POLR3K: variants seen among roughly 807,000 people sequenced by gnomAD.
POLR3K encodes the protein RNA polymerase III subunit K.
Under a neutral mutation model 13.5 loss-of-function variants are expected in POLR3K, and 11 were observed. That is an observed-to-expected ratio of 0.81 (90% confidence interval 0.51 to 1.35). POLR3K has a LOEUF of 1.35. Among genes scored for constraint, POLR3K ranks in the 40% most tolerant of loss-of-function variants. The pLI, the probability that POLR3K is intolerant of heterozygous loss-of-function variation, is 0.00. For missense variants in POLR3K, 144 were observed against 145.3 expected, an observed-to-expected ratio of 0.99 and a Z score of 0.05; for synonymous variants, 56 against 51.5, an observed-to-expected ratio of 1.09 and a Z score of -0.38.
chr16:52,498 G>A (rs1249151351), intron 1 of POLR3K, among the ~76,000 whole-genome samples: 2 of 133,328 alleles, frequency 1.5e-5, no homozygotes, highest in Non-Finnish European at 1.6e-5. Flanking sequence ...GGTCGGGCGC[G>A]GTGGCTCACG....
At chr16:53,197 G>A (rs572222600) in intron 1 of POLR3K, 31 of 479,372 alleles carry the variant, frequency 6.5e-5, no homozygotes, top group African/African-American at 5.6e-4. Flanking sequence ...CGCACAGCAC[G>A]GACCTGCGTG....
At position 53,497 on chromosome 16, in the gene POLR3K, G is replaced by C. The variant is rs1376571626; in HGVS notation, c.90C>G (p.Tyr30Ter). ...CHRFACNTCPYVHNITRKVTN... is the reference protein window; with the variant it reads ...CHRFACNTCP ...CCACCTTGCGGGTGATGTTGTGCACGTAGGGGCACGTGTTGCAGGCGAAGC... is the reference window on the plus strand; with the variant it reads ...CCACCTTGCGGGTGATGTTGTGCACCTAGGGGCACGTGTTGCAGGCGAAGC... Residue 30 changes from tyrosine (Y) to a stop codon, truncating the protein, a stop_gained, in exon 1 of 3, where the codon TAC becomes TAG. Transcript: ENST00000293860. LOFTEE classifies it high-confidence loss of function. 1 of 1,612,586 alleles carries C rather than the reference G, an allele frequency of 6.2e-7. No homozygotes were observed. Among genetic ancestry groups the C allele is most frequent in the Non-Finnish European group, 8.5e-7 (1 of 1,179,480 alleles).
chr16:47,265 G>T lies in POLR3K; in HGVS notation c.*165C>A. The T allele has an allele frequency of 1.2e-6, 1 of 816,932 alleles. No individual in the cohort carries two copies. Among genetic ancestry groups the T allele is most frequent in the Non-Finnish European group, 1.8e-6 (1 of 564,988 alleles). 50.6% of individuals were successfully genotyped at this position (816,932 alleles called of 1,614,324 possible). ...ATTCATGACTTCATCCACCCTGCCT[G>T]GCAGATAGGCCATATTTCCTGACCC... On this transcript the variant is annotated 3_prime_UTR_variant, in exon 3 of 3. Coordinates refer to ENST00000293860, the MANE Select transcript of POLR3K (RefSeq NM_016310.5).
chr16:48,423 T>C lies in POLR3K; in HGVS notation c.200-866A>G, dbSNP rs114683948. Among the ~76,000 whole-genome samples, 556 of 152,322 alleles carry C rather than the reference T, an allele frequency of 3.7e-3. 5 individuals are homozygous for C. Among genetic ancestry groups the C allele is most frequent in the African/African-American group, 0.013 (521 of 41,540 alleles). ...TGGAAGGTGACTGTTTTGGTCCATTTTGTGCTGCTGTAACAAAATGCCTAA... is the reference window on the plus strand; with the variant it reads ...TGGAAGGTGACTGTTTTGGTCCATTCTGTGCTGCTGTAACAAAATGCCTAA... On this transcript the variant is annotated intron_variant, in intron 2 of 2. Coordinates refer to ENST00000293860, the MANE Select transcript of POLR3K (RefSeq NM_016310.5).
intron 1 of POLR3K, chr16:52,253 C>G (rs903463435): frequency 2.7e-5 from 4 of 149,070 alleles, no homozygotes; most frequent in African/African-American, 9.9e-5. Context: ...TCGAGACCAG[C>G]CTGGCCAGCG....
intron 2 of POLR3K, among the ~76,000 whole-genome samples, chr16:49,951 A>T (rs1258848646): frequency 6.6e-6 from 1 of 151,496 alleles, no homozygotes; most frequent in Non-Finnish European, 1.5e-5. Flanking sequence ...ACTTTTTCAC[A>T]TAGCAGATTT....
intron 1 of POLR3K, among the ~76,000 whole-genome samples, chr16:52,795 A>AAAAAAAAAAAAAAAAAC (rs1301989386): frequency 3.7e-5 from 1 of 26,786 alleles, no homozygotes; most frequent in African/African-American, 1.3e-4. Flanking sequence ...AAAAAAAAAA[A>AAAAAAAAAAAAAAAAAC]CAATAAAAAA....
chr16:53,583 G>T lies in POLR3K; in HGVS notation c.4C>A (p.Leu2Met). 1 of 1,611,474 alleles carries T rather than the reference G, an allele frequency of 6.2e-7. No individual in the cohort carries two copies. Among genetic ancestry groups the T allele is most frequent in the Non-Finnish European group, 8.5e-7 (1 of 1,178,950 alleles). The stretch of plus-strand genomic sequence containing the variant: ...TTCCCGCAGCCGGGGCAGAACAGCA[G>T]CATGGTCTCGAACTCCGCAGGCTCC... M[L>M]LFCPGCGNGL... is the part of the protein sequence containing the mutation. The change falls in exon 1 of 3, where the codon CTG (leucine) becomes ATG (methionine). Residue 2 changes from leucine to methionine, a missense_variant. Leu to Met is a conservative substitution (Grantham distance 15). Coordinates refer to ENST00000293860, the MANE Select transcript of POLR3K (RefSeq NM_016310.5).
intron 1 of POLR3K, chr16:53,158 G>A (rs930838509): frequency 1.3e-5 from 4 of 311,270 alleles, no homozygotes; most frequent in South Asian, 8.7e-5. Context: ...TTTCGTCTGC[G>A]TGAGCTGGAG....
chr16:52,757 C>A (rs1163372072), intron 1 of POLR3K, among the ~76,000 whole-genome samples: 1 of 89,732 alleles, frequency 1.1e-5, no homozygotes, highest in East Asian at 2.5e-4. Context: ...CAGAGCGGGA[C>A]TCCGTCTCAA....
chr16:53,410 A>G, intron 1 of POLR3K, 66 bp downstream of exon 1: 10 of 1,529,346 alleles, frequency 6.5e-6, no homozygotes, highest in Non-Finnish European at 8.8e-6. Flanking sequence ...GCGATGGAGC[A>G]GCAGTCGGAG....
Position 53,538 on chromosome 16 carries a change from C to T in POLR3K, c.49G>A (p.Gly17Arg), listed in dbSNP as rs755310696. The part of the protein sequence containing the change: ...GCGNGLIVEE[G>R]QRCHRFACNT... ...CAGGCGAAGCGGTGGCAGCGTTGTCCCTCCTCCACGATCAGCCCGTTCCCG... is the reference window on the plus strand; with the variant it reads ...CAGGCGAAGCGGTGGCAGCGTTGTCTCTCCTCCACGATCAGCCCGTTCCCG... Residue 17 changes from glycine (G) to arginine (R), a missense_variant, in exon 1 of 3, where the codon GGA becomes AGA. Physicochemically the swap from Gly to Arg is moderately radical, Grantham distance 125 (BLOSUM62 -2). Coordinates refer to ENST00000293860, the MANE Select transcript of POLR3K (RefSeq NM_016310.5). 6.2e-7 allele frequency: 1 copy of T among 1,613,226 alleles called. No individual in the cohort carries two copies. The highest frequency in any genetic ancestry group is 1.7e-5 in the Admixed American group (1 of 59,982).
Position 47,386 on chromosome 16 carries a change from G to A in POLR3K, c.*44C>T, listed in dbSNP as rs1283728806. Reference sequence around the variant, plus strand: ...ACTGCCAGCTAAGCATCTACCCCGAGGGACAAGGCAAGCACACACTAGGGC... The same window carrying A: ...ACTGCCAGCTAAGCATCTACCCCGAAGGACAAGGCAAGCACACACTAGGGC... On this transcript the variant is annotated 3_prime_UTR_variant, in exon 3 of 3. Coordinates refer to ENST00000293860, the MANE Select transcript of POLR3K (RefSeq NM_016310.5). The A allele has an allele frequency of 1.3e-6, 2 of 1,595,952 alleles. No individual in the cohort carries two copies. Among genetic ancestry groups the A allele is most frequent in the East Asian group, 2.3e-5 (1 of 44,146 alleles).
At chr16:48,534 G>A (rs147939842) in intron 2 of POLR3K, among the ~76,000 whole-genome samples, 20 of 152,216 alleles carry the variant, frequency 1.3e-4, no homozygotes, top group East Asian at 3.9e-4. Flanking sequence ...ATTAAGGGCC[G>A]GGCGCGGTGG....
rs573399996 is a variant in POLR3K at position 47,445 on chromosome 16, G to C, written c.312C>G (p.His104Gln). ...CATCCTGGCCCTAATCCCTCCAGCG[G>C]TGTCCACACTGAGCATTGCAGCACT... The part of the protein sequence containing the change: ...FYKCCNAQCG[H>Q]RWRD The change falls in exon 3 of 3, where the codon CAC (histidine) becomes CAG (glutamine). Residue 104 changes from histidine to glutamine, a missense_variant. Physicochemically the swap from His to Gln is conservative, Grantham distance 24. Coordinates refer to ENST00000293860, the MANE Select transcript of POLR3K (RefSeq NM_016310.5). 1 of 1,613,138 alleles carries C rather than the reference G, an allele frequency of 6.2e-7. No individual in the cohort carries two copies. Among genetic ancestry groups the C allele is most frequent in the South Asian group, 1.1e-5 (1 of 91,074 alleles).
In POLR3K at chr16:52,774, AAAAAAAAAAAAAAAAAAAAAAC is replaced by A. The variant is rs1390764557; in HGVS notation, c.111+680_111+701del. Among the ~76,000 whole-genome samples, 66 of 62,892 alleles carry A rather than the reference AAAAAAAAAAAAAAAAAAAAAAC, an allele frequency of 1.0e-3. 3 individuals carry two copies. Among genetic ancestry groups the A allele is most frequent in the African/African-American group, 2.6e-3 (39 of 15,004 alleles). 41.3% of individuals were successfully genotyped at this position (62,892 alleles called of 152,430 possible). On this transcript the variant is annotated intron_variant, in intron 1 of 2. Transcript: ENST00000293860. ...GAGCGGGACTCCGTCTCAAAAAAAAAAAAAAAAAAAAAAAAAAAAAACAATAAAAAAAAATAAAGAAAGCACA... is the reference window on the plus strand; with the variant it reads ...GAGCGGGACTCCGTCTCAAAAAAAAAAATAAAAAAAAATAAAGAAAGCACA...
chr16:49,796 C>T (rs1028684075), intron 2 of POLR3K, among the ~76,000 whole-genome samples: 7 of 150,876 alleles, frequency 4.6e-5, no homozygotes, highest in East Asian at 2.0e-4. Context: ...GGCACCACCA[C>T]GCTCAGCTAC....
chr16:52,960 G>A (rs559491446), intron 1 of POLR3K: 1 of 154,314 alleles, frequency 6.5e-6, no homozygotes, highest in Non-Finnish European at 1.4e-5. Context: ...CGATCTAGGG[G>A]AAGAGTGAAC....
Position 53,348 on chromosome 16 carries a change from A to G in POLR3K, c.111+128T>C, listed in dbSNP as rs939414441. ...AGTAGAGCCCACAGATCTGCTGCAG[A>G]CCAGAAAGGGGCGCGAGAAAGAGCG... is the stretch of plus-strand genomic sequence containing the variant. On this transcript the variant is annotated intron_variant, in intron 1 of 2. Coordinates refer to ENST00000293860, the MANE Select transcript of POLR3K (RefSeq NM_016310.5). 10 of 1,433,810 alleles carry G rather than the reference A, an allele frequency of 7.0e-6. No individual in the cohort carries two copies. The East Asian group carries it at 2.1e-4, about 30-fold the overall frequency. 88.8% of individuals were successfully genotyped at this position (1,433,810 alleles called of 1,614,324 possible).
Sources: gnomAD v4.1 joint callset for allele counts (sites outside exome capture counted in the v4.1 genomes callset) on GRCh38, gnomAD v4.1.1 for gene constraint, MANE v1.5 for transcripts, NCBI Gene and HGNC (gene_info 2026-07-23, HGNC 2026-07-21) for gene names.